Variants in DDO observed in about 807,000 individuals in gnomAD.
The protein encoded by DDO is D-aspartate oxidase, DDO.
Under a neutral mutation model 16.8 loss-of-function variants are expected in DDO, and 16 were observed. The observed-to-expected ratio is 0.95, with a 90% CI of 0.65 to 1.45. The LOEUF is 1.45. Among genes scored for constraint, DDO ranks in the 40% most tolerant of loss-of-function variants. The pLI, the probability that DDO is intolerant of heterozygous loss-of-function variation, is 0.00. For synonymous variants in DDO, 180 were observed against 167.2 expected, an observed-to-expected ratio of 1.08 and a Z score of -0.59; for missense variants, 429 against 420.3, an observed-to-expected ratio of 1.02 and a Z score of -0.18.
chr6:110,410,849 G>A (rs1051436874), intron 2 of DDO, among the ~76,000 whole-genome samples: 1 of 152,100 alleles, frequency 6.6e-6, no homozygotes, highest in Non-Finnish European at 1.5e-5. Flanking sequence ...GCCTGTGTTT[G>A]TTTCCTGGGA....
chr6:110,412,160 C>T (rs1773879507), intron 2 of DDO, among the ~76,000 whole-genome samples: 1 of 151,984 alleles, frequency 6.6e-6, no homozygotes, highest in Non-Finnish European at 1.5e-5. Flanking sequence ...GCATGAGAAT[C>T]TCTTGAACCC....
intron 2 of DDO, among the ~76,000 whole-genome samples, 171 bp from the exon 3 acceptor site, chr6:110,408,613 TC>T (rs1358649386): frequency 2.0e-5 from 3 of 152,012 alleles, no homozygotes; most frequent in African/African-American, 7.3e-5. Context: ...AGAGGATCTG[TC>T]AGCAACAAGA....
chr6:110,398,571 C>G (rs1358353138), intron 4 of DDO, among the ~76,000 whole-genome samples: 1 of 152,108 alleles, frequency 6.6e-6, no homozygotes, highest in Non-Finnish European at 1.5e-5. Context: ...GTGATGCGGA[C>G]AGCCTGTGGC....
rs746050213 is a variant in DDO, at chr6:110,393,308, G to A, written c.493C>T (p.Arg165Ter). 11 of 1,607,794 alleles carry A rather than the reference G, an allele frequency of 6.8e-6. No homozygotes were observed. The highest frequency in any genetic ancestry group is 1.7e-5 in the Admixed American group (1 of 59,924). ...TGAAGTTCCCACAGGTCTTCTATTCGCCGAGTGAGTGTCCAGCCTCCACTT... is the reference window on the plus strand; with the variant it reads ...TGAAGTTCCCACAGGTCTTCTATTCACCGAGTGAGTGTCCAGCCTCCACTT... ...KGSGGWTLTR[R>*]IEDLWELHPS... Residue 165 changes from arginine to a stop codon, truncating the protein, a stop_gained, in exon 5 of 5, where the codon CGA becomes TGA. Coordinates refer to ENST00000368924, the MANE Select transcript of DDO (RefSeq NM_001372108.2). LOFTEE classifies it low-confidence loss of function (END_TRUNC).
intron 4 of DDO, among the ~76,000 whole-genome samples, chr6:110,400,635 C>A (rs1244836441): frequency 6.6e-6 from 1 of 152,254 alleles, no homozygotes; most frequent in Non-Finnish European, 1.5e-5. Flanking sequence ...AAAATGAAAG[C>A]AATGAGCCCT....
Position 110,405,050 on chromosome 6 carries a change from T to C in DDO, c.282-100A>G, listed in dbSNP as rs1392657349. ...TCTCTAGAGCATTTATTTTATTTTA[T>C]TTTTGAGACAGAGTCTCACTCCATC... is the stretch of plus-strand genomic sequence containing the variant. On this transcript the variant is annotated intron_variant, in intron 3 of 4. Transcript: ENST00000368924. The C allele has an allele frequency of 2.5e-6, 3 of 1,213,054 alleles. No homozygotes were observed. The African/African-American group carries it at 4.6e-5, about 18-fold the overall frequency. The allele number at this position is 1,213,054 out of a possible 1,614,324, so 75.1% of individuals were successfully genotyped here.
At chr6:110,409,188 C>T (rs764209334) in intron 2 of DDO, among the ~76,000 whole-genome samples, 1 of 152,190 alleles carries the variant, frequency 6.6e-6, no homozygotes, top group Non-Finnish European at 1.5e-5. Context: ...TGGAAGAGTG[C>T]CAGGCCTGTT....
downstream of DDO, chr6:110,388,814 GA>G (rs961398439): frequency 7.6e-5 from 75 of 982,612 alleles, no homozygotes; most frequent in Middle Eastern, 1.6e-3. Flanking sequence ...TTCATGTTCA[GA>G]AAAAAATAAA....
intron 1 of DDO, 81 bp downstream of exon 1, chr6:110,415,386 C>T (rs538619729): frequency 2.2e-5 from 35 of 1,578,470 alleles, no homozygotes; most frequent in South Asian, 1.9e-4. Flanking sequence ...ATCACTGTCC[C>T]CTGACCCTAT....
At chr6:110,400,297 C>T (rs577456436) in intron 4 of DDO, among the ~76,000 whole-genome samples, 1 of 150,072 alleles carries the variant, frequency 6.7e-6, no homozygotes, top group South Asian at 2.1e-4. Context: ...AGCTAAAACA[C>T]TCTCTCTCGG....
At chr6:110,390,387 G>C (rs901434533), downstream of DDO, among the ~76,000 whole-genome samples, 1 of 152,214 alleles carries the variant, frequency 6.6e-6, no homozygotes, top group Non-Finnish European at 1.5e-5. Context: ...CTTCCCAGGT[G>C]ATTCTAAGTT....
chr6:110,404,753 T>G, intron 4 of DDO, 21 bp downstream of exon 4: 2 of 1,612,380 alleles, frequency 1.2e-6, no homozygotes, highest in Non-Finnish European at 1.7e-6. Context: ...TAAGGAAATA[T>G]CAGGGAGCAT....
At chr6:110,411,219 C>T (rs924478062) in intron 2 of DDO, among the ~76,000 whole-genome samples, 1 of 152,150 alleles carries the variant, frequency 6.6e-6, no homozygotes, top group East Asian at 1.9e-4. Context: ...AATGGCCCTG[C>T]CCTCTTACTC....
At chr6:110,403,167 A>C (rs1396515805) in intron 4 of DDO, among the ~76,000 whole-genome samples, 1 of 152,108 alleles carries the variant, frequency 6.6e-6, no homozygotes. Context: ...TTGAAAGGAA[A>C]CTCTGCCATT....
chr6:110,405,022 C>A, intron 3 of DDO, 72 bp from the exon 4 acceptor site: 1 of 1,379,546 alleles, frequency 7.2e-7, no homozygotes, highest in East Asian at 2.3e-5. Context: ...CTTCACATGA[C>A]ATTCTCTAGA....
chr6:110,390,565 G>A (rs544660837), downstream of DDO, among the ~76,000 whole-genome samples: 7 of 152,172 alleles, frequency 4.6e-5, no homozygotes, highest in Admixed American at 1.3e-4. Context: ...AATATAAAAC[G>A]CAGAGTGAAG....
chr6:110,392,813 G>A lies in DDO; in HGVS notation c.988C>T (p.His330Tyr). Reference sequence around the variant, plus strand: ...TTGGGAATGGGGGTCCTGAGGGCATGGACACACTCGCTCACCAGCCTGGCG... The same window carrying A: ...TTGGGAATGGGGGTCCTGAGGGCATAGACACACTCGCTCACCAGCCTGGCG... The part of the protein sequence containing the change: ...EAARLVSECV[H>Y]ALRTPIPKSN... Residue 330 changes from histidine to tyrosine, a missense_variant, in exon 5 of 5, where the codon CAT (histidine) becomes TAT (tyrosine). Coordinates refer to ENST00000368924, the MANE Select transcript of DDO (RefSeq NM_001372108.2). 4.4e-6 allele frequency: 7 copies of A among 1,601,710 alleles called. No individual in the cohort carries two copies. The highest frequency in any genetic ancestry group is 6.0e-6 in the Non-Finnish European group (7 of 1,172,970).
intron 4 of DDO, among the ~76,000 whole-genome samples, chr6:110,395,405 G>C (rs2057151): frequency 0.34 from 51,875 of 151,038 alleles, 9,250 homozygotes; most frequent in African/African-American, 0.43. Context: ...GCTCTCCTGG[G>C]TCTCCTGCTT....
At chr6:110,397,636 G>A (rs1332861136) in intron 4 of DDO, among the ~76,000 whole-genome samples, 1 of 152,194 alleles carries the variant, frequency 6.6e-6, no homozygotes, top group African/African-American at 2.4e-5. Context: ...AAGTGCAAAT[G>A]TCTTTTCTTT....
Sources: allele counts gnomAD v4.1 joint callset (sites outside exome capture counted in the v4.1 genomes callset), GRCh38; gene constraint gnomAD v4.1.1; transcripts MANE v1.5; gene names NCBI Gene and HGNC (gene_info 2026-07-23, HGNC 2026-07-21).